LINGO2: variants seen among roughly 807,000 people sequenced by gnomAD.
LINGO2 encodes the protein leucine rich repeat and Ig domain containing 2.
A neutral mutation model predicts 30.6 loss-of-function variants in LINGO2; 14 were observed. The ratio of observed to expected loss-of-function variants is 0.46; its 90% CI spans 0.30 to 0.72. LINGO2 has a LOEUF of 0.72. Among genes scored for constraint, LINGO2 ranks in the 30% least tolerant of loss-of-function variants. The pLI is 0.07. For synonymous variants in LINGO2, 317 were observed against 288.5 expected, an observed-to-expected ratio of 1.10 and a Z score of -1.00; for missense variants, 729 against 751.7, an observed-to-expected ratio of 0.97 and a Z score of 0.35.
chr9:28,893,074 G>A, the LINGO2 span, among the ~76,000 whole-genome samples: 27 of 151,910 alleles, frequency 1.8e-4, no homozygotes, highest in South Asian at 3.3e-3. Context: ...TATTTTAAAC[G>A]TCTACAAAAG....
chr9:29,046,724 A>T, the LINGO2 span, among the ~76,000 whole-genome samples: 11 of 152,246 alleles, frequency 7.2e-5, no homozygotes, highest in South Asian at 2.3e-3. Context: ...AATCACAACA[A>T]AAGCAAAAAT....
chr9:27,945,924 T>C (rs540201114), downstream of LINGO2, among the ~76,000 whole-genome samples: 1 of 152,256 alleles, frequency 6.6e-6, no homozygotes, highest in Non-Finnish European at 1.5e-5. Context: ...AAATATCTGG[T>C]CAATATACTT....
chr9:29,131,765 G>A, the LINGO2 span, among the ~76,000 whole-genome samples: 1 of 151,898 alleles, frequency 6.6e-6, no homozygotes, highest in Middle Eastern at 3.4e-3. Context: ...TACCCAAAAT[G>A]CATCATATAA....
chr9:28,866,660 T>C, the LINGO2 span, among the ~76,000 whole-genome samples: 6 of 152,304 alleles, frequency 3.9e-5, no homozygotes, highest in East Asian at 5.8e-4. Context: ...ATGAAGTAGA[T>C]TGATATTTTT....
chr9:29,107,694 T>C, the LINGO2 span, among the ~76,000 whole-genome samples: 1 of 152,132 alleles, frequency 6.6e-6, no homozygotes, highest in Non-Finnish European at 1.5e-5. Context: ...CAAGGATGAC[T>C]GCATCTTTAT....
At chr9:28,317,604 G>T (rs909827878) in intron 3 of LINGO2, among the ~76,000 whole-genome samples, 5 of 152,078 alleles carry the variant, frequency 3.3e-5, no homozygotes, top group African/African-American at 1.2e-4. Flanking sequence ...TTGTGAGGAT[G>T]AAATTTTAAT....
chr9:28,069,976 G>C (rs141289008), intron 4 of LINGO2, among the ~76,000 whole-genome samples: 16 of 152,314 alleles, frequency 1.1e-4, no homozygotes, highest in African/African-American at 3.6e-4. Context: ...TCAAGAAGCC[G>C]CTCATAGTGG....
chr9:28,284,620 G>A (rs148642830), intron 4 of LINGO2, among the ~76,000 whole-genome samples: 12 of 152,166 alleles, frequency 7.9e-5, no homozygotes, highest in East Asian at 1.9e-4. Flanking sequence ...TTATAGATAC[G>A]GCTAGATTAA....
chr9:28,871,569 A>G, the LINGO2 span, among the ~76,000 whole-genome samples: 1 of 151,962 alleles, frequency 6.6e-6, no homozygotes, highest in Non-Finnish European at 1.5e-5. Flanking sequence ...TATGTAATAT[A>G]TAAAAATATT....
At chr9:29,137,854 G>A in the LINGO2 span, among the ~76,000 whole-genome samples, 1 of 151,950 alleles carries the variant, frequency 6.6e-6, no homozygotes, top group Non-Finnish European at 1.5e-5. Flanking sequence ...GCAAGGTATT[G>A]AAACTATCTG....
intron 4 of LINGO2, among the ~76,000 whole-genome samples, chr9:28,217,516 C>G (rs988440525): frequency 6.6e-6 from 1 of 152,028 alleles, no homozygotes; most frequent in African/African-American, 2.4e-5. Flanking sequence ...ACAGTTTTCT[C>G]TATAAGAGCA....
chr9:28,522,003 A>G (rs958743716), intron 1 of LINGO2, among the ~76,000 whole-genome samples: 1 of 152,162 alleles, frequency 6.6e-6, no homozygotes, highest in Non-Finnish European at 1.5e-5. Flanking sequence ...CCATTACAAC[A>G]CCTTTGGACT....
At chr9:29,073,762 G>C in the LINGO2 span, among the ~76,000 whole-genome samples, 1 of 152,108 alleles carries the variant, frequency 6.6e-6, no homozygotes, top group Non-Finnish European at 1.5e-5. Flanking sequence ...AATCTTACTG[G>C]CTTCAGTGTT....
the LINGO2 span, among the ~76,000 whole-genome samples, chr9:29,042,179 T>A: frequency 6.6e-6 from 1 of 152,076 alleles, no homozygotes; most frequent in East Asian, 1.9e-4. Flanking sequence ...AGATATTGGA[T>A]CACTCATGCA....
the LINGO2 span, among the ~76,000 whole-genome samples, chr9:29,008,406 T>C: frequency 2.0e-5 from 3 of 152,304 alleles, no homozygotes; most frequent in Non-Finnish European, 2.9e-5. Flanking sequence ...TGTGTCTTTA[T>C]AGCAGCATGA....
the LINGO2 span, among the ~76,000 whole-genome samples, chr9:29,001,755 T>A: frequency 6.6e-6 from 1 of 151,976 alleles, no homozygotes; most frequent in African/African-American, 2.4e-5. Context: ...TCAAGAAGTT[T>A]AATTTACTAA....
At chr9:28,110,001 A>G (rs1056324230) in intron 4 of LINGO2, among the ~76,000 whole-genome samples, 9 of 152,172 alleles carry the variant, frequency 5.9e-5, no homozygotes, top group African/African-American at 2.2e-4. Flanking sequence ...ACTATACTAC[A>G]AGACTACAGT....
chr9:28,634,620 G>C (rs937249338), intron 1 of LINGO2, among the ~76,000 whole-genome samples: 2 of 151,534 alleles, frequency 1.3e-5, no homozygotes, highest in Non-Finnish European at 2.9e-5. Flanking sequence ...CGAGTAGCTG[G>C]GATTACAGGT....
At chr9:27,996,681 T>C (rs1821679814) in intron 5 of LINGO2, among the ~76,000 whole-genome samples, 1 of 152,190 alleles carries the variant, frequency 6.6e-6, no homozygotes, top group African/African-American at 2.4e-5. Context: ...TAATAAATTC[T>C]AGTGTCCAAT....
Sources: gnomAD v4.1 joint callset for allele counts (sites outside exome capture counted in the v4.1 genomes callset) on GRCh38, gnomAD v4.1.1 for gene constraint, MANE v1.5 for transcripts, NCBI Gene and HGNC (gene_info 2026-07-23, HGNC 2026-07-21) for gene names.